CDH4: variants seen among roughly 807,000 people sequenced by gnomAD.
CDH4 encodes cadherin-4.
CDH4 carries 33 observed loss-of-function variants against 86.0 expected under a neutral mutation model. That is an observed-to-expected ratio of 0.38 (90% confidence interval 0.29 to 0.51). The LOEUF (loss-of-function observed/expected upper bound fraction) is 0.51, where lower values mean the gene tolerates loss of function less well. CDH4 is among the 20% of genes least tolerant of loss of function. The pLI is 0.86. For missense variants in CDH4, 1,114 were observed against 1,307.4 expected, an observed-to-expected ratio of 0.85 and a Z score of 2.28; for synonymous variants, 555 against 549.4, an observed-to-expected ratio of 1.01 and a Z score of -0.14.
At chr20:61,271,171 G>A (rs1241369753) in intron 2 of CDH4, among the ~76,000 whole-genome samples, 1 of 152,148 alleles carries the variant, frequency 6.6e-6, no homozygotes, top group African/African-American at 2.4e-5. Context: ...GGGATGGACT[G>A]GGGGGCTGGG....
intron 2 of CDH4, among the ~76,000 whole-genome samples, chr20:61,520,055 C>T (rs2085857673): frequency 6.6e-6 from 1 of 152,216 alleles, no homozygotes; most frequent in African/African-American, 2.4e-5. Context: ...ATTGACTATC[C>T]ATTGATCTGC....
In CDH4 at chr20:61,748,193, C is replaced by T. The variant is rs534364646; in HGVS notation, c.396+4404C>T. On this transcript the variant is annotated intron_variant, in intron 3 of 15. Transcript: ENST00000614565. ...TGTTGCCCAGACTGCAGTGCAGTGG[C>T]GCAATCTCAGCTCACTGCAACCTCC... is the stretch of plus-strand genomic sequence containing the variant. Among the ~76,000 whole-genome samples the T allele has an allele frequency of 3.8e-4, 58 of 152,254 alleles. No individual in the cohort carries two copies. In the Middle Eastern group the frequency reaches 0.01, roughly 27 times the overall value.
chr20:61,379,068 TGA>T (rs1432192196), intron 2 of CDH4, among the ~76,000 whole-genome samples: 2 of 152,186 alleles, frequency 1.3e-5, no homozygotes, highest in Non-Finnish European at 2.9e-5. Flanking sequence ...AAAGGGAGCG[TGA>T]GAATGCCGGG....
Position 61,767,070 on chromosome 20 carries a change from C to G in CDH4, c.397-5933C>G, listed in dbSNP as rs113746490. Among the ~76,000 whole-genome samples, 945 of 152,340 alleles carry G rather than the reference C, an allele frequency of 6.2e-3. 12 individuals carry two copies. Among genetic ancestry groups the G allele is most frequent in the African/African-American group, 0.021 (891 of 41,570 alleles). ...CTTCATCCCTTGAGCTTGATGTCCT[C>G]TGTGTGCTGCCCTGAGGACTAAATG... is the stretch of plus-strand genomic sequence containing the variant. On this transcript the variant is annotated intron_variant, in intron 3 of 15. Coordinates refer to ENST00000614565, the MANE Select transcript of CDH4 (RefSeq NM_001794.5).
At position 61,259,794 on chromosome 20, in the gene CDH4, C is replaced by T. The variant is rs543413174; in HGVS notation, c.169+4857C>T. Among the ~76,000 whole-genome samples the T allele has an allele frequency of 2.3e-4, 35 of 152,296 alleles. No homozygotes were observed. The East Asian group carries it at 3.9e-3, about 17-fold the overall frequency. On this transcript the variant is annotated intron_variant, in intron 2 of 15. Coordinates refer to ENST00000614565, the MANE Select transcript of CDH4 (RefSeq NM_001794.5). ...GGCAATGTGGCTTCTTTCTGGTCACCGGTATCTAATTAGGTTAGTCTATTA... is the reference window on the plus strand; with the variant it reads ...GGCAATGTGGCTTCTTTCTGGTCACTGGTATCTAATTAGGTTAGTCTATTA...
intron 3 of CDH4, among the ~76,000 whole-genome samples, chr20:61,758,968 C>T (rs542871451): frequency 5.5e-4 from 83 of 151,724 alleles, no homozygotes; most frequent in African/African-American, 1.1e-3. Flanking sequence ...TGCACATGTG[C>T]GCATGGGTGT....
chr20:61,531,472 C>CAAAA (rs956436259), intron 2 of CDH4, among the ~76,000 whole-genome samples: 3 of 44,086 alleles, frequency 6.8e-5, no homozygotes, highest in Non-Finnish European at 1.3e-4. Context: ...GACTGCATCT[C>CAAAA]AAAAAAAAAA....
intron 1 of CDH4, among the ~76,000 whole-genome samples, chr20:61,253,247 A>G (rs892729869): frequency 6.6e-6 from 1 of 150,934 alleles, no homozygotes; most frequent in African/African-American, 2.4e-5. Flanking sequence ...TGGGCCGGGA[A>G]GCCGGACGCC....
chr20:61,859,726 C>T (rs1462948086), intron 6 of CDH4, among the ~76,000 whole-genome samples: 3 of 152,240 alleles, frequency 2.0e-5, no homozygotes, highest in Non-Finnish European at 4.4e-5. Flanking sequence ...GGGTCTGTTC[C>T]TAGGTTTATT....
At chr20:61,362,872 A>C (rs1295212141) in intron 2 of CDH4, among the ~76,000 whole-genome samples, 3 of 152,194 alleles carry the variant, frequency 2.0e-5, no homozygotes, top group African/African-American at 7.2e-5. Context: ...CATTGGTCCA[A>C]CTGGGTCTGA....
intron 2 of CDH4, among the ~76,000 whole-genome samples, chr20:61,349,659 C>G (rs1050791460): frequency 6.6e-5 from 10 of 152,154 alleles, no homozygotes; most frequent in Non-Finnish European, 1.2e-4. Context: ...CTGGGGCTCC[C>G]CACAGCTCCC....
chr20:61,864,913 G>A (rs1395671344), intron 6 of CDH4, among the ~76,000 whole-genome samples: 2 of 152,136 alleles, frequency 1.3e-5, no homozygotes, highest in East Asian at 3.9e-4. Context: ...CTCCTGCCCT[G>A]TCACCCCCCC....
intron 7 of CDH4, among the ~76,000 whole-genome samples, chr20:61,876,011 T>C (rs941670622): frequency 1.3e-5 from 2 of 152,210 alleles, no homozygotes; most frequent in Non-Finnish European, 2.9e-5. Flanking sequence ...TTTGCACAGC[T>C]TTTGGCAGAG....
intron 2 of CDH4, among the ~76,000 whole-genome samples, chr20:61,587,217 G>A (rs976002003): frequency 6.6e-5 from 10 of 152,192 alleles, no homozygotes; most frequent in African/African-American, 2.4e-4. Context: ...GGAAACCCAC[G>A]GGGAAGGTGA....
At position 61,257,761 on chromosome 20, in the gene CDH4, T is replaced by TGGCC. The variant is rs747377731; in HGVS notation, c.169+2825_169+2828dup. ...TTTTCTCTGCTTTGTTAATAATTAA[T>TGGCC]GGCCAGCCCGCCCGGAAGCTGCAGC... On this transcript the variant is annotated intron_variant, in intron 2 of 15. Transcript: ENST00000614565. Among the ~76,000 whole-genome samples the TGGCC allele has an allele frequency of 5.1e-4, 77 of 152,216 alleles. 1 individual carries two copies. The highest frequency in any genetic ancestry group is 1.0e-3 in the Non-Finnish European group (71 of 68,038).
chr20:61,385,648 G>A (rs917644251), intron 2 of CDH4, among the ~76,000 whole-genome samples: 2 of 151,984 alleles, frequency 1.3e-5, no homozygotes, highest in African/African-American at 4.8e-5. Flanking sequence ...CTCCTCTCCC[G>A]TTATCTTCTG....
intron 6 of CDH4, among the ~76,000 whole-genome samples, chr20:61,859,637 G>A (rs1027112683): frequency 4.6e-5 from 7 of 152,322 alleles, no homozygotes; most frequent in African/African-American, 1.2e-4. Flanking sequence ...CTGCCCCAGC[G>A]CCATACATTG....
chr20:61,788,651 C>T (rs1979010039), intron 4 of CDH4, among the ~76,000 whole-genome samples: 2 of 152,136 alleles, frequency 1.3e-5, no homozygotes, highest in Non-Finnish European at 2.9e-5. Flanking sequence ...ACCATGTTTC[C>T]GATATTTGAT....
chr20:61,574,318 G>A (rs535451299), intron 2 of CDH4, among the ~76,000 whole-genome samples: 3 of 152,394 alleles, frequency 2.0e-5, no homozygotes, highest in African/African-American at 4.8e-5. Flanking sequence ...ATGCAAGGAT[G>A]TGCTTGGTAG....
Sources: gnomAD v4.1 joint callset for allele counts (sites outside exome capture counted in the v4.1 genomes callset) on GRCh38, gnomAD v4.1.1 for gene constraint, MANE v1.5 for transcripts, NCBI Gene and HGNC (gene_info 2026-07-23, HGNC 2026-07-21) for gene names.